Variants in STAM2 observed in about 807,000 individuals in gnomAD.
STAM2 encodes the protein signal transducing adapter molecule 2.
A neutral mutation model predicts 65.6 loss-of-function variants in STAM2; 51 were observed. The ratio of observed to expected loss-of-function variants is 0.78; its 90% confidence interval spans 0.62 to 0.98. STAM2 has a LOEUF of 0.98. STAM2 is among the 50% of genes least tolerant of loss of function. The pLI is 0.00. For synonymous variants in STAM2, 198 were observed against 208.4 expected, an observed-to-expected ratio of 0.95 and a Z score of 0.43; for missense variants, 584 against 617.8, an observed-to-expected ratio of 0.95 and a Z score of 0.58.
intron 6 of STAM2, 154 bp downstream of exon 6, chr2:152,144,734 T>TC (rs1471971658): frequency 3.6e-6 from 2 of 557,772 alleles, no homozygotes; most frequent in Non-Finnish European, 6.4e-6. Flanking sequence ...AGATGGGGTT[T>TC]CACCTTGTTG....
intron 1 of STAM2, among the ~76,000 whole-genome samples, chr2:152,161,494 T>TAAAAA (rs10714838): frequency 1.4e-4 from 15 of 103,544 alleles, no homozygotes; most frequent in Non-Finnish European, 2.4e-4. Flanking sequence ...GAATGATCAA[T>TAAAAA]AAAAAAAAAA....
chr2:152,118,114 G>A lies in STAM2; in HGVS notation c.*2460C>T, dbSNP rs988375285. On this transcript the variant is annotated 3_prime_UTR_variant, in exon 14 of 14. Transcript: ENST00000263904. ...TTTCTGATGTACCAAGATTTCATAT[G>A]AAAAAGCAGAAGCTATTTTTTTATT... The A allele has an allele frequency of 6.6e-6, 1 of 151,954 alleles. No homozygotes were observed. The highest frequency in any genetic ancestry group is 2.4e-5 in the African/African-American group (1 of 41,412). The allele number at this position is 151,954 out of a possible 1,614,324, so 9.4% of individuals were successfully genotyped here.
At chr2:152,158,512 G>C (rs1225073090) in intron 1 of STAM2, among the ~76,000 whole-genome samples, 1 of 152,052 alleles carries the variant, frequency 6.6e-6, no homozygotes, top group African/African-American at 2.4e-5. Context: ...ACCCGATCAC[G>C]TGGAAACTTA....
Position 152,133,498 on chromosome 2 carries a change from G to C in STAM2, c.800-14C>G, listed in dbSNP as rs2105535997. 6.3e-7 allele frequency: 1 copy of C among 1,595,342 alleles called. No individual in the cohort carries two copies. Among genetic ancestry groups the C allele is most frequent in the African/African-American group, 1.3e-5 (1 of 74,434 alleles). On this transcript the variant is annotated splice_polypyrimidine_tract_variant and intron_variant, in intron 8 of 13. Transcript: ENST00000263904. ...TGTCCACAGCCGCTATAGAAACAAA[G>C]TAATTTTAAGTTCCTCAGCATTTAC...
rs1690007561 is a variant in STAM2, at chr2:152,175,700, C to G, written c.-58G>C. ...CTAGCTGACACTCAGCAACTGCTAC[C>G]CGCCGGGTGACCCGCGGCCGCGGCT... On this transcript the variant is annotated 5_prime_UTR_variant, in exon 1 of 14. Transcript: ENST00000263904. The G allele has an allele frequency of 3.2e-6, 5 of 1,569,522 alleles. No individual in the cohort carries two copies. Among genetic ancestry groups the G allele is most frequent in the Middle Eastern group, 1.7e-4 (1 of 5,988 alleles).
At chr2:152,146,374 T>C (rs1309188772) in intron 5 of STAM2, among the ~76,000 whole-genome samples, 1 of 151,890 alleles carries the variant, frequency 6.6e-6, no homozygotes, top group Non-Finnish European at 1.5e-5. Context: ...CATATCTTAA[T>C]ATTAATGGGA....
intron 7 of STAM2, among the ~76,000 whole-genome samples, chr2:152,137,875 T>C (rs1689183660): frequency 1.3e-5 from 2 of 152,268 alleles, no homozygotes; most frequent in African/African-American, 4.8e-5. Context: ...TAGTCCACCA[T>C]TTTTTCTAGT....
rs533625025 is a variant in STAM2 at position 152,165,978 on chromosome 2, G to A, written c.40+9625C>T. On this transcript the variant is annotated intron_variant, in intron 1 of 13. Transcript: ENST00000263904. ...AGCACTGCGGGAGGTCAAGGCGGGC[G>A]GATTACATAAGGCCAGGAGTTGCAG... Among the ~76,000 whole-genome samples the A allele has an allele frequency of 7.9e-5, 12 of 152,232 alleles. No individual in the cohort carries two copies. The South Asian group carries it at 1.9e-3, about 24-fold the overall frequency.
intron 12 of STAM2, 155 bp from the exon 13 acceptor site, chr2:152,124,090 G>C (rs768126433): frequency 8.0e-6 from 5 of 627,282 alleles, no homozygotes; most frequent in Admixed American, 3.2e-5. Context: ...TAAAAGTGGA[G>C]AGCTGTCAAA....
At chr2:152,168,599 C>A (rs995600809) in intron 1 of STAM2, among the ~76,000 whole-genome samples, 2 of 152,100 alleles carry the variant, frequency 1.3e-5, no homozygotes, top group Admixed American at 6.6e-5. Flanking sequence ...GACTTACTTA[C>A]AAATTATACA....
At chr2:152,145,333 T>C (rs1689318957) in intron 5 of STAM2, among the ~76,000 whole-genome samples, 1 of 152,184 alleles carries the variant, frequency 6.6e-6, no homozygotes. Context: ...CCTACCAAAG[T>C]GCTAAGATTA....
At chr2:152,129,576 A>G (rs1689020904) in intron 11 of STAM2, among the ~76,000 whole-genome samples, 1 of 152,200 alleles carries the variant, frequency 6.6e-6, no homozygotes, top group South Asian at 2.1e-4. Flanking sequence ...ATATCAAGGG[A>G]TAATTATCAA....
chr2:152,132,858 A>C (rs1689089787), intron 10 of STAM2, among the ~76,000 whole-genome samples: 1 of 152,184 alleles, frequency 6.6e-6, no homozygotes, highest in East Asian at 1.9e-4. Flanking sequence ...ATTAAACAGC[A>C]ATAAGCATTT....
At chr2:152,174,571 C>G (rs891120426) in intron 1 of STAM2, among the ~76,000 whole-genome samples, 1 of 152,148 alleles carries the variant, frequency 6.6e-6, no homozygotes, top group Non-Finnish European at 1.5e-5. Context: ...CTCCTAATAA[C>G]CAAATGTTAA....
chr2:152,133,497 A>G lies in STAM2; in HGVS notation c.800-13T>C, dbSNP rs1353160233. On this transcript the variant is annotated splice_polypyrimidine_tract_variant and intron_variant, in intron 8 of 13. Coordinates refer to ENST00000263904, the MANE Select transcript of STAM2 (RefSeq NM_005843.6). The stretch of plus-strand genomic sequence containing the variant: ...TTGTCCACAGCCGCTATAGAAACAA[A>G]GTAATTTTAAGTTCCTCAGCATTTA... The G allele has an allele frequency of 1.3e-6, 2 of 1,596,286 alleles. No individual in the cohort carries two copies. The highest frequency in any genetic ancestry group is 1.7e-5 in the Admixed American group (1 of 59,136).
intron 1 of STAM2, among the ~76,000 whole-genome samples, chr2:152,169,555 C>T (rs1035727445): frequency 6.6e-6 from 1 of 152,064 alleles, no homozygotes; most frequent in African/African-American, 2.4e-5. Context: ...AGTCACTGCA[C>T]CCTGCCATCA....
chr2:152,156,790 CAACTT>C (rs1240590662), intron 1 of STAM2, among the ~76,000 whole-genome samples: 2 of 151,914 alleles, frequency 1.3e-5, no homozygotes, highest in East Asian at 1.9e-4. Flanking sequence ...CAGTAATAAA[CAACTT>C]AACTACATAA....
intron 1 of STAM2, among the ~76,000 whole-genome samples, chr2:152,165,942 C>T (rs775331358): frequency 6.6e-6 from 1 of 152,180 alleles, no homozygotes; most frequent in African/African-American, 2.4e-5. Flanking sequence ...GTGGCTTATG[C>T]CTGTAACTCC....
Position 152,120,391 on chromosome 2 carries a change from G to T in STAM2, c.*183C>A. The T allele has an allele frequency of 3.7e-6, 2 of 546,176 alleles. No homozygotes were observed. The highest frequency in any genetic ancestry group is 2.4e-5 in the South Asian group (1 of 42,322). The allele number at this position is 546,176 out of a possible 1,614,324, so 33.8% of individuals were successfully genotyped here. A position where few individuals can be genotyped will look rare whatever the true frequency, so the allele number is the denominator to read the frequency against. ...GAAAAGATTGACTTCAAACAAACTGGACTGAAAAAAAAAAAAAAAAAAAAC... is the reference window on the plus strand; with the variant it reads ...GAAAAGATTGACTTCAAACAAACTGTACTGAAAAAAAAAAAAAAAAAAAAC... On this transcript the variant is annotated 3_prime_UTR_variant, in exon 14 of 14. Transcript: ENST00000263904.
Sources: gnomAD v4.1 joint callset for allele counts (sites outside exome capture counted in the v4.1 genomes callset) on GRCh38, gnomAD v4.1.1 for gene constraint, MANE v1.5 for transcripts, NCBI Gene and HGNC (gene_info 2026-07-23, HGNC 2026-07-21) for gene names.